Variants in RBPMS observed in about 807,000 individuals in gnomAD.
RBPMS encodes RNA-binding protein with multiple splicing.
RBPMS carries 7 observed loss-of-function variants against 26.8 expected under a neutral mutation model. The observed-to-expected ratio is 0.26, with a 90% CI of 0.15 to 0.49. RBPMS has a LOEUF of 0.49. RBPMS is among the 20% of genes least tolerant of loss of function. The pLI is 0.98. For synonymous variants in RBPMS, 96 were observed against 93.3 expected, an observed-to-expected ratio of 1.03 and a Z score of -0.17; for missense variants, 186 against 250.0, an observed-to-expected ratio of 0.74 and a Z score of 1.73.
intron 1 of RBPMS, among the ~76,000 whole-genome samples, chr8:30,448,442 T>C (rs1161767859): frequency 2.0e-5 from 3 of 152,216 alleles, no homozygotes; most frequent in Non-Finnish European, 4.4e-5. Context: ...TTTTCAGTAC[T>C]AGTCTTAAAA....
At chr8:30,446,795 T>TGTGTG (rs1554515675) in intron 1 of RBPMS, 2 of 112,434 alleles carry the variant, frequency 1.8e-5, no homozygotes, top group East Asian at 3.1e-4. Context: ...CACACATGGC[T>TGTGTG]TGTGTGTGTG....
At chr8:30,416,340 T>C (rs1236165942) in intron 1 of RBPMS, among the ~76,000 whole-genome samples, 1 of 152,196 alleles carries the variant, frequency 6.6e-6, no homozygotes, top group South Asian at 2.1e-4. Flanking sequence ...TGTTTTGTTT[T>C]GTTTTGCTTG....
rs58844507 is a variant in RBPMS, at chr8:30,569,914, C to T, written c.*112-723C>T. On this transcript the variant is annotated intron_variant, in intron 8 of 8. Coordinates refer to ENST00000397323, the MANE Select transcript of RBPMS (RefSeq NM_001008710.3). ...AAGAGACAGGCAAGTATTAGTCGCC[C>T]GTCACAGAGAAGGTCCAGGGTGTCC... is the stretch of plus-strand genomic sequence containing the variant. 9.7e-3 allele frequency among the ~76,000 whole-genome samples: 1,483 copies of T among 152,268 alleles called. 23 individuals are homozygous for T. The highest frequency in any genetic ancestry group is 0.034 in the African/African-American group (1,399 of 41,534).
At chr8:30,544,369 TA>T in intron 5 of RBPMS, 124 bp from the exon 6 acceptor site, 1 of 947,142 alleles carries the variant, frequency 1.1e-6, no homozygotes, top group Non-Finnish European at 1.6e-6. Context: ...AACAGGTTGT[TA>T]AAAGAATGAG....
chr8:30,506,236 C>T (rs1213858526), intron 5 of RBPMS, among the ~76,000 whole-genome samples: 1 of 151,700 alleles, frequency 6.6e-6, no homozygotes, highest in Non-Finnish European at 1.5e-5. Context: ...CTCTGCTCAC[C>T]TCCCTTCCCA....
chr8:30,493,040 G>GTAT (rs1819563374), intron 4 of RBPMS, among the ~76,000 whole-genome samples: 1 of 152,168 alleles, frequency 6.6e-6, no homozygotes, highest in East Asian at 1.9e-4. Flanking sequence ...GACGTGCTTT[G>GTAT]TTGAGGCAAA....
At chr8:30,526,599 A>C (rs373129619) in intron 5 of RBPMS, among the ~76,000 whole-genome samples, 28 of 152,220 alleles carry the variant, frequency 1.8e-4, no homozygotes, top group African/African-American at 6.8e-4. Flanking sequence ...GGAGAAAAGC[A>C]ATTCTGAACG....
chr8:30,460,571 C>A (rs1292135378), intron 1 of RBPMS, among the ~76,000 whole-genome samples: 1 of 152,018 alleles, frequency 6.6e-6, no homozygotes. Flanking sequence ...TATATTATTG[C>A]TATTTATTTT....
chr8:30,411,985 CAAA>C (rs11367222), intron 1 of RBPMS, among the ~76,000 whole-genome samples: 2,186 of 120,960 alleles, frequency 0.018, 60 homozygotes, highest in African/African-American at 0.06. Flanking sequence ...GACTTCGTCT[CAAA>C]AAAAAAAAAA....
intron 1 of RBPMS, among the ~76,000 whole-genome samples, chr8:30,425,903 AC>A (rs1272958663): frequency 1.3e-5 from 2 of 152,194 alleles, no homozygotes; most frequent in African/African-American, 4.8e-5. Context: ...GCCTGAGGTC[AC>A]ACAGCTGTAA....
rs1814443826 is a variant in RBPMS at position 30,450,549 on chromosome 8, G to A, written c.67-24230G>A. Among the ~76,000 whole-genome samples, 4 of 152,144 alleles carry A rather than the reference G, an allele frequency of 2.6e-5. No individual in the cohort carries two copies. The South Asian group carries it at 8.3e-4, about 32-fold the overall frequency. ...GCAGCTCCCAGGTCATGAGCAAATG[G>A]CAACCTTGGTAGTATGCCTCCACTG... On this transcript the variant is annotated intron_variant, in intron 1 of 8. Coordinates refer to ENST00000397323, the MANE Select transcript of RBPMS (RefSeq NM_001008710.3).
rs1048862677 is a variant in RBPMS, at chr8:30,410,312, G to A, written c.66+25154G>A. ...ACCTCAGCCTCTCCTGGGTTCAAAC[G>A]ATTCTCCTGCCTCAGCCTCCCAAGT... On this transcript the variant is annotated intron_variant, in intron 1 of 8. Coordinates refer to ENST00000397323, the MANE Select transcript of RBPMS (RefSeq NM_001008710.3). Among the ~76,000 whole-genome samples, 6 of 151,982 alleles carry A rather than the reference G, an allele frequency of 3.9e-5. No individual in the cohort carries two copies. In the East Asian group the frequency reaches 1.2e-3, roughly 29 times the overall value.
chr8:30,411,949 G>A (rs1202356960), intron 1 of RBPMS, among the ~76,000 whole-genome samples: 2 of 148,976 alleles, frequency 1.3e-5, no homozygotes, highest in African/African-American at 2.5e-5. Context: ...TCGCGCCATT[G>A]CACTCCAGCC....
intron 1 of RBPMS, among the ~76,000 whole-genome samples, chr8:30,421,612 C>G (rs1218318470): frequency 1.3e-5 from 2 of 152,080 alleles, no homozygotes; most frequent in African/African-American, 2.4e-5. Flanking sequence ...AATGTCATAT[C>G]CTCACATGTT....
At chr8:30,566,400 C>A in intron 8 of RBPMS, 40 bp downstream of exon 8, 1 of 681,310 alleles carries the variant, frequency 1.5e-6, no homozygotes, top group Non-Finnish European at 1.8e-6. Flanking sequence ...TCAGGGGCGG[C>A]ATGGCGAACA....
At chr8:30,514,890 T>C (rs370747180) in intron 5 of RBPMS, among the ~76,000 whole-genome samples, 13 of 152,024 alleles carry the variant, frequency 8.6e-5, no homozygotes, top group African/African-American at 2.7e-4. Context: ...ACATAACTCA[T>C]TGAACCATTA....
chr8:30,462,257 A>G (rs1815996338), intron 1 of RBPMS, among the ~76,000 whole-genome samples: 1 of 152,204 alleles, frequency 6.6e-6, no homozygotes, highest in Non-Finnish European at 1.5e-5. Context: ...GTTTCTCTGC[A>G]TCTTTGCCAT....
In RBPMS at chr8:30,558,917, T is replaced by G; in HGVS notation, c.559T>G (p.Ser187Ala). 6.2e-7 allele frequency: 1 copy of G among 1,614,166 alleles called. No homozygotes were observed. Among genetic ancestry groups the G allele is most frequent in the Non-Finnish European group, 8.5e-7 (1 of 1,180,036 alleles). Residue 187 changes from serine to alanine, a missense_variant, in exon 7 of 9, where the codon TCT (serine) becomes GCT (alanine). Coordinates refer to ENST00000397323, the MANE Select transcript of RBPMS (RefSeq NM_001008710.3). ...MRWLPPSEATSQGWKSRQFC is the reference protein window; with the variant it reads ...MRWLPPSEATAQGWKSRQFC ...CTGGCTCCCTCCCTCCGAGGCTACT[T>G]CTCAGGGCTGGAAGTCCCGTCAGTT... is the stretch of plus-strand genomic sequence containing the variant.
intron 1 of RBPMS, among the ~76,000 whole-genome samples, chr8:30,391,997 C>T (rs1230792451): frequency 6.6e-6 from 1 of 151,722 alleles, no homozygotes; most frequent in Non-Finnish European, 1.5e-5. Context: ...TGGCTGAAGC[C>T]CTGAAAAGCT....
Sources: gnomAD v4.1 joint callset for allele counts (sites outside exome capture counted in the v4.1 genomes callset) on GRCh38, gnomAD v4.1.1 for gene constraint, MANE v1.5 for transcripts, NCBI Gene and HGNC (gene_info 2026-07-23, HGNC 2026-07-21) for gene names.